HPS5: variants seen among roughly 807,000 people sequenced by gnomAD.
The protein encoded by HPS5 is HPS5 biogenesis of lysosomal organelles complex 2 subunit 2, also known as BLOC-2 complex member HPS5.
HPS5 carries 83 observed loss-of-function variants against 128.0 expected under a neutral mutation model. The observed-to-expected ratio is 0.65, with a 90% CI of 0.54 to 0.78. HPS5 has a LOEUF of 0.78. Ranked by LOEUF, HPS5 falls within the 30% of genes least tolerant of loss-of-function variation. The pLI is 0.00. For synonymous variants in HPS5, 475 were observed against 470.2 expected (o/e 1.01, Z -0.13); for missense variants, 1,281 against 1,326.2 (o/e 0.97, Z 0.53).
intron 22 of HPS5, among the ~76,000 whole-genome samples, chr11:18,281,695 C>T (rs183066221): frequency 6.6e-5 from 10 of 152,190 alleles, no homozygotes; most frequent in East Asian, 1.9e-4. Flanking sequence ...TGAACCACCA[C>T]GACCAGCCTG....
chr11:18,282,567 C>A (rs2134208905), intron 21 of HPS5, among the ~76,000 whole-genome samples: 1 of 152,084 alleles, frequency 6.6e-6, no homozygotes, highest in African/African-American at 2.4e-5. Flanking sequence ...CACACCTGGG[C>A]AGCTTCAGAA....
intron 14 of HPS5, among the ~76,000 whole-genome samples, 174 bp downstream of exon 14, chr11:18,294,845 AC>A (rs1362793024): frequency 2.6e-5 from 4 of 151,692 alleles, no homozygotes; most frequent in African/African-American, 4.8e-5. Context: ...AAAAAAAATC[AC>A]AAAAAAACTC....
chr11:18,289,610 T>C (rs2134267187), intron 16 of HPS5, among the ~76,000 whole-genome samples: 1 of 152,312 alleles, frequency 6.6e-6, no homozygotes, highest in East Asian at 1.9e-4. Context: ...TTTTAACTGC[T>C]ATATTTGAAT....
At position 18,281,990 on chromosome 11, in the gene HPS5, T is replaced by C; in HGVS notation, c.3289A>G (p.Arg1097Gly). 1 of 1,614,234 alleles carries C rather than the reference T, an allele frequency of 6.2e-7. No individual in the cohort carries two copies. The highest frequency in any genetic ancestry group is 8.5e-7 in the Non-Finnish European group (1 of 1,180,046). Residue 1097 changes from arginine to glycine, a missense_variant, in exon 22 of 23, where the codon AGA (arginine) becomes GGA (glycine). Transcript: ENST00000349215. ...GCAATCCTCAGGATATCGCAGGTTC[T>C]GGTAAACTTCTCTGACAACTCAAGG... ...LALELSEKFT[R>G]TCDILRIAEK...
chr11:18,314,684 G>A (rs1394019414), intron 2 of HPS5, among the ~76,000 whole-genome samples: 1 of 152,000 alleles, frequency 6.6e-6, no homozygotes, highest in Non-Finnish European at 1.5e-5. Context: ...TTTCGCCTTT[G>A]TCTGTTTTGT....
At chr11:18,289,331 A>G (rs886104139) in intron 16 of HPS5, among the ~76,000 whole-genome samples, 3 of 152,168 alleles carry the variant, frequency 2.0e-5, no homozygotes, top group Non-Finnish European at 2.9e-5. Context: ...AGACATATCC[A>G]CCTAAATTCA....
At chr11:18,296,423 C>A (rs191709464) in intron 12 of HPS5, 1 of 541,702 alleles carries the variant, frequency 1.8e-6, no homozygotes, top group East Asian at 3.2e-5. Context: ...AATACTCGCA[C>A]ATCGAAAAAG....
At chr11:18,294,242 T>G (rs535941173) in intron 14 of HPS5, among the ~76,000 whole-genome samples, 13 of 152,270 alleles carry the variant, frequency 8.5e-5, no homozygotes, top group Admixed American at 4.6e-4. Context: ...GCCTAAAGAA[T>G]CCCTTGTTTT....
At position 18,306,336 on chromosome 11, in the gene HPS5, C is replaced by G. The variant is rs1368537002; in HGVS notation, c.623G>C (p.Trp208Ser). The change falls in exon 7 of 23, where the codon TGG (tryptophan) becomes TCG (serine). Residue 208 changes from tryptophan (W) to serine (S), a missense_variant. Coordinates refer to ENST00000349215, the MANE Select transcript of HPS5 (RefSeq NM_181507.2). Reference sequence around the variant, plus strand: ...ATCTCTTTCCTTGTTTCCAATTTTCCAAAACTTTTCTCTAACATCCAGAAA... The same window carrying G: ...ATCTCTTTCCTTGTTTCCAATTTTCGAAAACTTTTCTCTAACATCCAGAAA... ...FLCDTEREKF[W>S]KIGNKERDGE... 1 of 1,609,582 alleles carries G rather than the reference C, an allele frequency of 6.2e-7. No individual in the cohort carries two copies. Among genetic ancestry groups the G allele is most frequent in the African/African-American group, 1.3e-5 (1 of 74,750 alleles).
At chr11:18,303,373 T>G (rs1350967109) in intron 8 of HPS5, among the ~76,000 whole-genome samples, 1 of 152,212 alleles carries the variant, frequency 6.6e-6, no homozygotes, top group Non-Finnish European at 1.5e-5. Flanking sequence ...CAACAGTACA[T>G]GCACAGAAAT....
chr11:18,311,281 C>T (rs938532521), intron 4 of HPS5, 106 bp downstream of exon 4: 22 of 831,074 alleles, frequency 2.6e-5, no homozygotes, highest in African/African-American at 1.9e-4. Context: ...CTGTTAAAAC[C>T]GGGACAATCC....
chr11:18,299,759 A>C (rs901889817), intron 9 of HPS5, among the ~76,000 whole-genome samples: 18 of 152,238 alleles, frequency 1.2e-4, no homozygotes, highest in Non-Finnish European at 2.4e-4. Context: ...GACTCAGGGC[A>C]ATAGAGGGAA....
intron 22 of HPS5, chr11:18,280,568 G>T (rs1858760182): frequency 1.4e-6 from 1 of 700,756 alleles, no homozygotes; most frequent in Non-Finnish European, 2.6e-6. Flanking sequence ...AGCAGTGTCT[G>T]GAAGACATAT....
intron 8 of HPS5, among the ~76,000 whole-genome samples, chr11:18,303,898 C>T (rs375081667): frequency 6.6e-6 from 1 of 151,436 alleles, no homozygotes; most frequent in East Asian, 1.9e-4. Context: ...CCCAATACCC[C>T]GCACATCACA....
chr11:18,310,728 G>T lies in HPS5; in HGVS notation c.477+13C>A. On this transcript the variant is annotated intron_variant, in intron 5 of 22. Transcript: ENST00000349215. ...ATCTCACTACATACACAAAGAATGG[G>T]ACTGCTTCTCACCTTTGCTTGTTTA... 6.3e-7 allele frequency: 1 copy of T among 1,597,916 alleles called. No individual in the cohort carries two copies. Among genetic ancestry groups the T allele is most frequent in the Non-Finnish European group, 8.6e-7 (1 of 1,166,524 alleles).
At chr11:18,321,416 A>G (rs183901001) in intron 1 of HPS5, among the ~76,000 whole-genome samples, 4 of 152,346 alleles carry the variant, frequency 2.6e-5, no homozygotes, top group Non-Finnish European at 5.9e-5. Context: ...TACTTCTGTG[A>G]AGGCACTCTA....
chr11:18,296,750 G>A (rs778790557), intron 12 of HPS5, 48 bp downstream of exon 12: 2 of 1,544,618 alleles, frequency 1.3e-6, no homozygotes, highest in Middle Eastern at 1.7e-4. Flanking sequence ...GGAGCTCGTG[G>A]AAAATAATGG....
rs1458844898 is a variant in HPS5, at chr11:18,288,705, T to C, written c.2441-692A>G. 2.6e-5 allele frequency among the ~76,000 whole-genome samples: 4 copies of C among 151,576 alleles called. No homozygotes were observed. The East Asian group carries it at 5.8e-4, about 22-fold the overall frequency. On this transcript the variant is annotated intron_variant, in intron 16 of 22. Coordinates refer to ENST00000349215, the MANE Select transcript of HPS5 (RefSeq NM_181507.2). ...TTCTGTTGCCCAGGCTGGAGTGCAG[T>C]GGTGATCACTGCAACCTTGAACTCC...
intron 19 of HPS5, 35 bp downstream of exon 19, chr11:18,286,556 A>C: frequency 6.2e-7 from 1 of 1,609,104 alleles, no homozygotes. Flanking sequence ...AAAAAAAGTA[A>C]AGAAAAAAAC....
Sources: gnomAD v4.1 joint callset for allele counts (sites outside exome capture counted in the v4.1 genomes callset) on GRCh38, gnomAD v4.1.1 for gene constraint, MANE v1.5 for transcripts, NCBI Gene and HGNC (gene_info 2026-07-23, HGNC 2026-07-21) for gene names.